FNDC1: variants seen among roughly 807,000 people sequenced by gnomAD.
The protein encoded by FNDC1 is fibronectin type III domain-containing protein 1.
A neutral mutation model predicts 168.0 loss-of-function variants in FNDC1; 96 were observed. That is an observed-to-expected ratio of 0.57 (90% confidence interval 0.48 to 0.68). The LOEUF (loss-of-function observed/expected upper bound fraction) is 0.68, where lower values mean the gene tolerates loss of function less well. Ranked by LOEUF, FNDC1 falls within the 30% of genes least tolerant of loss-of-function variation. The pLI, the probability that FNDC1 is intolerant of heterozygous loss-of-function variation, is 0.00. For synonymous variants in FNDC1, 1,099 were observed against 1,025.9 expected (o/e 1.07, Z -1.36); for missense variants, 2,587 against 2,482.1 (o/e 1.04, Z -0.90).
intron 4 of FNDC1, among the ~76,000 whole-genome samples, chr6:159,202,134 C>T (rs1189371612): frequency 6.6e-6 from 1 of 152,106 alleles, no homozygotes; most frequent in Non-Finnish European, 1.5e-5. Context: ...CATGATGTTT[C>T]ATTTGTCATA....
chr6:159,202,595 G>T (rs609807), intron 4 of FNDC1, among the ~76,000 whole-genome samples: 1 of 152,208 alleles, frequency 6.6e-6, no homozygotes, highest in Non-Finnish European at 1.5e-5. Flanking sequence ...TGTTTTATTA[G>T]AAACCAGAGG....
intron 6 of FNDC1, among the ~76,000 whole-genome samples, chr6:159,222,984 ATTTTTTTTTTTTTTTTT>A (rs201310702): frequency 6.9e-5 from 8 of 116,774 alleles, no homozygotes; most frequent in African/African-American, 2.1e-4. Context: ...TGAAATACTC[ATTTTTTTTTTTTTTTTT>A]TTTTTTTTTT....
intron 17 of FNDC1, among the ~76,000 whole-genome samples, chr6:159,252,053 C>T (rs537450988): frequency 6.6e-6 from 1 of 152,282 alleles, no homozygotes. Context: ...GGGTGCTTCT[C>T]AGTTCCTTAT....
At chr6:159,240,533 A>T (rs1783395468) in intron 14 of FNDC1, among the ~76,000 whole-genome samples, 2 of 152,182 alleles carry the variant, frequency 1.3e-5, no homozygotes, top group South Asian at 4.1e-4. Flanking sequence ...CCTCCTTTGG[A>T]GAATGCCAAT....
intron 18 of FNDC1, among the ~76,000 whole-genome samples, chr6:159,258,448 A>T (rs1009345589): frequency 6.6e-6 from 1 of 152,154 alleles, no homozygotes; most frequent in African/African-American, 2.4e-5. Flanking sequence ...GTAAAATCTG[A>T]ACCATAAGAA....
At position 159,238,624 on chromosome 6, in the gene FNDC1, C is replaced by A; in HGVS notation, c.4139C>A (p.Pro1380His). Residue 1380 changes from proline to histidine, a missense_variant, in exon 13 of 23, where the codon CCT becomes CAT. By Grantham distance (77) the Pro-to-His change is moderately conservative (BLOSUM62 -2). Coordinates refer to ENST00000297267, the MANE Select transcript of FNDC1 (RefSeq NM_032532.3). ...GRYLQDSHGN[P>H]LRIKLGGDGR... ...TACCTCCAAGATTCACATGGAAATC[C>A]TCTTCGGATTAAACTAGGAGGAGAT... 1.9e-6 allele frequency: 3 copies of A among 1,610,304 alleles called. No homozygotes were observed. The highest frequency in any genetic ancestry group is 2.5e-6 in the Non-Finnish European group (3 of 1,178,354).
Position 159,236,206 on chromosome 6 carries a change from A to G in FNDC1, c.3968-9A>G, listed in dbSNP as rs1783253495. 1.3e-6 allele frequency: 2 copies of G among 1,599,294 alleles called. No homozygotes were observed. The highest frequency in any genetic ancestry group is 1.7e-6 in the Non-Finnish European group (2 of 1,168,344). On this transcript the variant is annotated splice_polypyrimidine_tract_variant and intron_variant, in intron 11 of 22. Coordinates refer to ENST00000297267, the MANE Select transcript of FNDC1 (RefSeq NM_032532.3). ...AGGCTCTGTTATTTTTATTTTTGGTACTGTGTAGGTTATAATGGCAGACCA... is the reference window on the plus strand; with the variant it reads ...AGGCTCTGTTATTTTTATTTTTGGTGCTGTGTAGGTTATAATGGCAGACCA...
chr6:159,215,510 T>A (rs1782692430), intron 5 of FNDC1, among the ~76,000 whole-genome samples: 1 of 152,248 alleles, frequency 6.6e-6, no homozygotes, highest in Admixed American at 6.5e-5. Flanking sequence ...CCTAGGACAC[T>A]GGGCCTTGGG....
intron 1 of FNDC1, among the ~76,000 whole-genome samples, chr6:159,195,040 G>C (rs1353877894): frequency 2.6e-5 from 4 of 152,040 alleles, no homozygotes; most frequent in Non-Finnish European, 5.9e-5. Flanking sequence ...TGGTGCGGTG[G>C]GTGGGAGGAG....
At chr6:159,255,742 C>T (rs1307899151) in intron 17 of FNDC1, among the ~76,000 whole-genome samples, 1 of 152,176 alleles carries the variant, frequency 6.6e-6, no homozygotes, top group Non-Finnish European at 1.5e-5. Flanking sequence ...GAGTACCTAG[C>T]TGGCATAATG....
intron 21 of FNDC1, among the ~76,000 whole-genome samples, chr6:159,267,081 A>G (rs1777608500): frequency 6.6e-6 from 1 of 152,092 alleles, no homozygotes; most frequent in Admixed American, 6.5e-5. Flanking sequence ...TCAAAAATAT[A>G]TTTTGGGCAT....
intron 2 of FNDC1, among the ~76,000 whole-genome samples, chr6:159,198,825 G>A (rs1417602898): frequency 6.6e-6 from 1 of 152,224 alleles, no homozygotes; most frequent in Non-Finnish European, 1.5e-5. Context: ...AAGAGAGAAA[G>A]TGTCTGGCGA....
At chr6:159,170,816 G>A (rs1324115055) in intron 1 of FNDC1, among the ~76,000 whole-genome samples, 2 of 152,170 alleles carry the variant, frequency 1.3e-5, no homozygotes, top group South Asian at 2.1e-4. Context: ...AGTGCCTGCC[G>A]TAGGGTCTTT....
At chr6:159,268,679 C>T (rs1052279448) in intron 22 of FNDC1, among the ~76,000 whole-genome samples, 3 of 149,482 alleles carry the variant, frequency 2.0e-5, no homozygotes, top group African/African-American at 7.6e-5. Flanking sequence ...TCTCTCTATC[C>T]ATCTATCTAT....
chr6:159,199,896 A>G (rs1782336046), intron 2 of FNDC1, 100 bp from the exon 3 acceptor site: 1 of 982,354 alleles, frequency 1.0e-6, no homozygotes, highest in African/African-American at 1.6e-5. Context: ...GTATTTGGTT[A>G]TAACTGGTAT....
chr6:159,246,791 T>C, intron 14 of FNDC1, 110 bp from the exon 15 acceptor site: 1 of 750,354 alleles, frequency 1.3e-6, no homozygotes, highest in South Asian at 1.6e-5. Flanking sequence ...TGGGGACTTG[T>C]TTTCATGACC....
chr6:159,264,912 T>C (rs1349296844), intron 19 of FNDC1, 63 bp from the exon 20 acceptor site: 3 of 1,412,018 alleles, frequency 2.1e-6, no homozygotes, highest in African/African-American at 1.4e-5. Flanking sequence ...ACACTAACCA[T>C]TTAAAGAATT....
intron 19 of FNDC1, 58 bp downstream of exon 19, chr6:159,261,327 T>C (rs1037798320): frequency 6.1e-6 from 7 of 1,155,674 alleles, no homozygotes; most frequent in African/African-American, 1.5e-5. Flanking sequence ...AAATAAATAA[T>C]CTAGCATGAT....
intron 12 of FNDC1, among the ~76,000 whole-genome samples, chr6:159,237,900 T>C (rs991726773): frequency 2.6e-5 from 4 of 152,224 alleles, no homozygotes; most frequent in East Asian, 3.8e-4. Flanking sequence ...TGCATAATAT[T>C]CTACCACATG....
Sources: allele counts gnomAD v4.1 joint callset (sites outside exome capture counted in the v4.1 genomes callset), GRCh38; gene constraint gnomAD v4.1.1; transcripts MANE v1.5; gene names NCBI Gene and HGNC (gene_info 2026-07-23, HGNC 2026-07-21).